Variants in MPDZ observed in about 807,000 individuals in gnomAD.
MPDZ encodes the protein multiple PDZ domain crumbs cell polarity complex component.
MPDZ carries 234 observed loss-of-function variants against 239.1 expected under a neutral mutation model. The ratio of observed to expected loss-of-function variants is 0.98; its 90% CI spans 0.88 to 1.09. The LOEUF is 1.09. Among genes scored for constraint, MPDZ ranks in the 50% least tolerant of loss-of-function variants. The probability of loss-of-function intolerance (pLI) is 0.00; values close to 1 mark genes in which losing one functional copy is unlikely to be tolerated. For synonymous variants in MPDZ, 1,048 were observed against 881.3 expected, an observed-to-expected ratio of 1.19 and a Z score of -3.35; for missense variants, 3,175 against 2,510.0, an observed-to-expected ratio of 1.26 and a Z score of -5.66.
intron 25 of MPDZ, among the ~76,000 whole-genome samples, chr9:13,148,805 A>T (rs562925756): frequency 6.6e-6 from 1 of 152,138 alleles, no homozygotes; most frequent in South Asian, 2.1e-4. Context: ...ATTACAGAGG[A>T]CTGAGGCTTC....
At chr9:13,107,341 C>T (rs1204820422) in intron 46 of MPDZ, among the ~76,000 whole-genome samples, 5 of 152,094 alleles carry the variant, frequency 3.3e-5, no homozygotes, top group Admixed American at 6.6e-5. Flanking sequence ...ATTTAGCAGT[C>T]GATAGATCAG....
intron 10 of MPDZ, among the ~76,000 whole-genome samples, chr9:13,214,415 G>A (rs531893295): frequency 4.1e-4 from 63 of 152,032 alleles, no homozygotes; most frequent in African/African-American, 1.4e-3. Flanking sequence ...CCCAGGACTG[G>A]GAGAATGGGG....
intron 12 of MPDZ, among the ~76,000 whole-genome samples, chr9:13,204,632 T>C (rs1188562013): frequency 2.6e-5 from 4 of 152,174 alleles, no homozygotes; most frequent in South Asian, 4.1e-4. Flanking sequence ...CAAGAGCTTA[T>C]GTGTTAATGA....
chr9:13,224,379 C>T lies in MPDZ; in HGVS notation c.388G>A (p.Ala130Thr). Residue 130 changes from alanine to threonine, a missense_variant, in exon 4 of 47, where the codon GCC (alanine) becomes ACC (threonine). Coordinates refer to ENST00000319217, the MANE Select transcript of MPDZ (RefSeq NM_001378778.1). Reference protein sequence around the residue: ...DEFDQLIKNMAQGRHVEVFEL... With the variant: ...DEFDQLIKNMTQGRHVEVFEL... Reference sequence around the variant, plus strand: ...ACAGAAAGAAATGTTCTTACCTGGGCCATATTTTTGATAAGCTGATCAAAT... The same window carrying T: ...ACAGAAAGAAATGTTCTTACCTGGGTCATATTTTTGATAAGCTGATCAAAT... The T allele has an allele frequency of 6.2e-7, 1 of 1,610,870 alleles. No individual in the cohort carries two copies. Among genetic ancestry groups the T allele is most frequent in the Non-Finnish European group, 8.5e-7 (1 of 1,178,032 alleles).
At chr9:13,165,617 A>T in intron 22 of MPDZ, 1 of 447,368 alleles carries the variant, frequency 2.2e-6, no homozygotes, top group Non-Finnish European at 3.9e-6. Flanking sequence ...ATTATTAACA[A>T]GCATGAAAAA....
chr9:13,143,989 G>T (rs2132654681), intron 26 of MPDZ, among the ~76,000 whole-genome samples: 1 of 151,984 alleles, frequency 6.6e-6, no homozygotes, highest in East Asian at 1.9e-4. Context: ...TGTCTAGAAT[G>T]CAAATTATAA....
intron 35 of MPDZ, among the ~76,000 whole-genome samples, chr9:13,123,752 C>A (rs2131691780): frequency 6.6e-6 from 1 of 152,270 alleles, no homozygotes; most frequent in South Asian, 2.1e-4. Context: ...TACCACAAAA[C>A]ATATCAATAA....
At chr9:13,186,436 G>T (rs748134858) in intron 17 of MPDZ, 50 bp from the exon 18 acceptor site, 2 of 1,289,236 alleles carry the variant, frequency 1.6e-6, no homozygotes, top group South Asian at 2.6e-5. Flanking sequence ...CAGCAAAGAA[G>T]AAAGAAAATG....
At position 13,115,381 on chromosome 9, in the gene MPDZ, T is replaced by G. The variant is rs774295990; in HGVS notation, c.5380-47A>C. The G allele has an allele frequency of 1.7e-5, 25 of 1,442,082 alleles. 1 individual carries two copies. The South Asian group carries it at 2.9e-4, about 17-fold the overall frequency. 89.3% of individuals were successfully genotyped at this position (1,442,082 alleles called of 1,614,324 possible). A position where few individuals can be genotyped will look rare whatever the true frequency, so the allele number is the denominator to read the frequency against. On this transcript the variant is annotated intron_variant, in intron 39 of 46. Transcript: ENST00000319217. ...GTTTTATGGAAATGTTTAAATAAAA[T>G]GCTATAATCATCTTTAGGAATACAT...
chr9:13,106,109 T>C lies in MPDZ; in HGVS notation c.*856A>G, dbSNP rs1285508827. On this transcript the variant is annotated 3_prime_UTR_variant, in exon 47 of 47. Transcript: ENST00000319217. ...GCACAGCACACTAACACATTTTTAA[T>C]GTTGCATCGGTTGTTAAAACCAGCA... 1 of 152,210 alleles carries C rather than the reference T, an allele frequency of 6.6e-6. No individual in the cohort carries two copies. Among genetic ancestry groups the C allele is most frequent in the Non-Finnish European group, 1.5e-5 (1 of 68,036 alleles). 9.4% of individuals were successfully genotyped at this position (152,210 alleles called of 1,614,324 possible). A position where few individuals can be genotyped will look rare whatever the true frequency, so the allele number is the denominator to read the frequency against.
At chr9:13,204,530 ACC>A (rs1956776334) in intron 12 of MPDZ, among the ~76,000 whole-genome samples, 1 of 152,208 alleles carries the variant, frequency 6.6e-6, no homozygotes, top group Non-Finnish European at 1.5e-5. Context: ...ATCTGCAATT[ACC>A]TTCCAAACCA....
intron 6 of MPDZ, 93 bp downstream of exon 6, chr9:13,222,140 G>T: frequency 1.0e-6 from 1 of 981,364 alleles, no homozygotes; most frequent in Non-Finnish European, 1.5e-6. Context: ...AACTCAAGAA[G>T]TGCAAAGACC....
chr9:13,125,259 C>A lies in MPDZ; in HGVS notation c.4764G>T (p.Leu1588=). Residue 1588 remains leucine, a synonymous_variant, in exon 35 of 47, where the codon CTG becomes CTT. Transcript: ENST00000319217. The part of the protein sequence containing the change: ...SGEKKNSSQS[L]MVPQSGSPEP... ...CTGGGGAGCCAGACTGTGGGACCAT[C>A]AGAGACTGGGAGCTGTTCTTTTTTT... 1 of 1,612,344 alleles carries A rather than the reference C, an allele frequency of 6.2e-7. No homozygotes were observed. The highest frequency in any genetic ancestry group is 2.2e-5 in the East Asian group (1 of 44,832).
chr9:13,255,755 C>G (rs1472148984), intron 1 of MPDZ, among the ~76,000 whole-genome samples: 1 of 152,106 alleles, frequency 6.6e-6, no homozygotes, highest in African/African-American at 2.4e-5. Context: ...GTGCTGTTAT[C>G]CAGTCTTTCT....
At position 13,183,477 on chromosome 9, in the gene MPDZ, C is replaced by T. The variant is rs1953657771; in HGVS notation, c.2590G>A (p.Gly864Ser). ...TTCAGGCCATCACCACAAGAACTGC[C>T]ATGAAGAGATAAAATAGAGGCTTGA... ...STQASILSLH[G>S]SSCGDGLNYG... is the part of the protein sequence containing the mutation. Residue 864 changes from glycine (G) to serine (S), a missense_variant, in exon 19 of 47, where the codon GGC becomes AGC. Gly to Ser is a moderately conservative substitution (Grantham distance 56). Transcript: ENST00000319217. The T allele has an allele frequency of 6.2e-7, 1 of 1,611,838 alleles. No individual in the cohort carries two copies.
At position 13,190,289 on chromosome 9, in the gene MPDZ, T is replaced by C. The variant is rs1954725543; in HGVS notation, c.1979A>G (p.Asp660Gly). ...DIELTEKPHV[D>G]LGEFIGSSET... Reference sequence around the variant, plus strand: ...TGATGACCCGATGAACTCACCTAGATCTACGTGAGGCTGGATAATATCAGA... The same window carrying C: ...TGATGACCCGATGAACTCACCTAGACCTACGTGAGGCTGGATAATATCAGA... Residue 660 changes from aspartate to glycine, a missense_variant, in exon 16 of 47, where the codon GAT (aspartate) becomes GGT (glycine). Transcript: ENST00000319217. The C allele has an allele frequency of 1.9e-6, 3 of 1,584,928 alleles. No individual in the cohort carries two copies. Among genetic ancestry groups the C allele is most frequent in the Non-Finnish European group, 2.6e-6 (3 of 1,166,412 alleles).
At chr9:13,125,617 T>G (rs558064147) in intron 34 of MPDZ, among the ~76,000 whole-genome samples, 1 of 152,330 alleles carries the variant, frequency 6.6e-6, no homozygotes, top group Non-Finnish European at 1.5e-5. Flanking sequence ...ATTTCTACTC[T>G]AAGTCTAGCT....
At chr9:13,215,124 T>C (rs949807073) in intron 10 of MPDZ, among the ~76,000 whole-genome samples, 1 of 151,944 alleles carries the variant, frequency 6.6e-6, no homozygotes, top group African/African-American at 2.4e-5. Context: ...CAACTCCTCA[T>C]TTCCCCTCTC....
intron 12 of MPDZ, among the ~76,000 whole-genome samples, chr9:13,201,530 C>T (rs1008465893): frequency 1.3e-5 from 2 of 151,982 alleles, no homozygotes; most frequent in Non-Finnish European, 2.9e-5. Context: ...TCTCTCTGGT[C>T]TCCTTCAGGA....
Sources: allele counts gnomAD v4.1 joint callset (sites outside exome capture counted in the v4.1 genomes callset), GRCh38; gene constraint gnomAD v4.1.1; transcripts MANE v1.5; gene names NCBI Gene and HGNC (gene_info 2026-07-23, HGNC 2026-07-21).